The following NFATC3 variants were observed in gnomAD, a reference collection of about 807,000 sequenced individuals.
NFATC3 encodes the protein nuclear factor of activated T cells 3.
A neutral mutation model predicts 98.6 loss-of-function variants in NFATC3; 46 were observed. The observed-to-expected ratio is 0.47, with a 90% CI of 0.37 to 0.60. The LOEUF is 0.60. Ranked by LOEUF, NFATC3 falls within the 20% of genes least tolerant of loss-of-function variation. The pLI, the probability that NFATC3 is intolerant of heterozygous loss-of-function variation, is 0.00. For synonymous variants in NFATC3, 512 were observed against 472.2 expected (o/e 1.08, Z -1.09); for missense variants, 1,256 against 1,295.5 (o/e 0.97, Z 0.47).
In NFATC3 at chr16:68,226,494, T is replaced by A. The variant is rs1320842879; in HGVS notation, c.*23T>A. ...TAACAGTGCTTACTGCAGCCTTGTG[T>A]CCACCACCAACTTCTCAGCATGTTT... On this transcript the variant is annotated 3_prime_UTR_variant, in exon 10 of 10. Coordinates refer to ENST00000346183, the MANE Select transcript of NFATC3 (RefSeq NM_173165.3). 19 of 1,469,028 alleles carry A rather than the reference T, an allele frequency of 1.3e-5. No homozygotes were observed. Among genetic ancestry groups the A allele is most frequent in the Non-Finnish European group, 1.7e-5 (19 of 1,113,740 alleles). 91.0% of individuals were successfully genotyped at this position (1,469,028 alleles called of 1,614,324 possible). A position where few individuals can be genotyped will look rare whatever the true frequency, so the allele number is the denominator to read the frequency against.
intron 5 of NFATC3, among the ~76,000 whole-genome samples, chr16:68,171,767 G>A (rs1479349516): frequency 6.6e-6 from 1 of 151,818 alleles, no homozygotes; most frequent in African/African-American, 2.4e-5. Context: ...GAGCCACCAC[G>A]CCTGGCTGCA....
At chr16:68,134,865 A>G (rs1187775016) in intron 3 of NFATC3, among the ~76,000 whole-genome samples, 1 of 152,088 alleles carries the variant, frequency 6.6e-6, no homozygotes, top group African/African-American at 2.4e-5. Context: ...TAAGAATACA[A>G]GAAGCAAACC....
chr16:68,111,226 T>TA (rs1200491546), intron 1 of NFATC3, among the ~76,000 whole-genome samples: 1 of 152,220 alleles, frequency 6.6e-6, no homozygotes, highest in Non-Finnish European at 1.5e-5. Context: ...AGTGGGGTGT[T>TA]AAGTCTCCCA....
At chr16:68,088,957 A>G (rs1010854790) in intron 1 of NFATC3, 4 of 985,232 alleles carry the variant, frequency 4.1e-6, no homozygotes, top group African/African-American at 3.5e-5. Flanking sequence ...GCCACTGCAC[A>G]TAGCCCCTAT....
Position 68,085,725 on chromosome 16 carries a change from A to C in NFATC3, c.44A>C (p.Lys15Thr), listed in dbSNP as rs1197230486. Residue 15 changes from lysine (K) to threonine (T), a missense_variant, in exon 1 of 10, where the codon AAA (lysine) becomes ACA (threonine). Lys to Thr is a moderately conservative substitution (Grantham distance 78, BLOSUM62 -1). This residue lies in a region of NFATC3 where 464 missense variants were observed against 465.7 expected (regional missense o/e 1.00). Transcript: ENST00000346183. ...GGCGCCCACGACGAGCTCGACTTCA[A>C]ACTCGTCTTTGGCGAGGACGGGGCG... Reference protein sequence around the residue: ...NCGAHDELDFKLVFGEDGAPA... With the variant: ...NCGAHDELDFTLVFGEDGAPA... The C allele has an allele frequency of 2.0e-6, 3 of 1,513,398 alleles. No homozygotes were observed. The highest frequency in any genetic ancestry group is 1.8e-6 in the Non-Finnish European group (2 of 1,132,886). 93.7% of individuals were successfully genotyped at this position (1,513,398 alleles called of 1,614,324 possible).
chr16:68,164,439 C>T (rs569459851), intron 4 of NFATC3, among the ~76,000 whole-genome samples: 4 of 152,174 alleles, frequency 2.6e-5, no homozygotes, highest in African/African-American at 9.7e-5. Context: ...AGCGCCTAAT[C>T]TCTTTTCTAA....
intron 5 of NFATC3, among the ~76,000 whole-genome samples, chr16:68,171,822 G>A (rs1167566573): frequency 6.6e-6 from 1 of 150,778 alleles, no homozygotes; most frequent in Non-Finnish European, 1.5e-5. Context: ...GAGTCTCGCT[G>A]TTTCGCCCAG....
At chr16:68,214,703 C>T (rs1017876675) in intron 9 of NFATC3, among the ~76,000 whole-genome samples, 3 of 152,160 alleles carry the variant, frequency 2.0e-5, no homozygotes, top group African/African-American at 4.8e-5. Context: ...AAAGAGGTTT[C>T]GTATCTATGA....
chr16:68,207,368 G>T (rs1004125811), intron 9 of NFATC3, among the ~76,000 whole-genome samples: 1 of 152,074 alleles, frequency 6.6e-6, no homozygotes, highest in African/African-American at 2.4e-5. Context: ...GAATAATGCT[G>T]CTGTGAACAC....
intron 9 of NFATC3, among the ~76,000 whole-genome samples, chr16:68,219,476 A>C (rs748472596): frequency 3.9e-5 from 6 of 152,098 alleles, no homozygotes; most frequent in Non-Finnish European, 7.4e-5. Context: ...CTGAAGCGGG[A>C]GGATCGCTTG....
chr16:68,152,134 G>A (rs1472836074), intron 3 of NFATC3, among the ~76,000 whole-genome samples: 1 of 150,574 alleles, frequency 6.6e-6, no homozygotes, highest in African/African-American at 2.4e-5. Context: ...AGGCCAAGGT[G>A]GACGGATCAC....
chr16:68,143,098 G>A (rs572391321), intron 3 of NFATC3, among the ~76,000 whole-genome samples: 7 of 151,514 alleles, frequency 4.6e-5, no homozygotes, highest in Non-Finnish European at 8.8e-5. Flanking sequence ...ATTTAACCAG[G>A]CATGGTGGTA....
chr16:68,121,956 GGTT>G, intron 1 of NFATC3, 28 bp from the exon 2 acceptor site: 1 of 1,479,122 alleles, frequency 6.8e-7, no homozygotes, highest in Non-Finnish European at 9.0e-7. Flanking sequence ...TGTTTTGTTG[GGTT>G]TTTTTTTTTT....
intron 3 of NFATC3, among the ~76,000 whole-genome samples, chr16:68,147,822 C>G (rs188638176): frequency 1.3e-5 from 2 of 150,086 alleles, no homozygotes; most frequent in Non-Finnish European, 3.0e-5. Context: ...TATAACCACT[C>G]TCTACCTTCA....
intron 1 of NFATC3, among the ~76,000 whole-genome samples, chr16:68,094,226 C>T (rs1425924147): frequency 6.6e-6 from 1 of 152,074 alleles, no homozygotes; most frequent in Non-Finnish European, 1.5e-5. Flanking sequence ...TTTGGCAGCC[C>T]CCCTCTCCGC....
chr16:68,178,329 G>C (rs2039807985), intron 6 of NFATC3, among the ~76,000 whole-genome samples: 1 of 152,152 alleles, frequency 6.6e-6, no homozygotes, highest in Admixed American at 6.5e-5. Flanking sequence ...CTGGAAGTAT[G>C]TGGCTGTCTT....
chr16:68,116,184 A>G (rs1272530379), intron 1 of NFATC3, among the ~76,000 whole-genome samples: 1 of 151,990 alleles, frequency 6.6e-6, no homozygotes, highest in African/African-American at 2.4e-5. Context: ...TTTTTTTGTC[A>G]TGACACAGTT....
rs530899948 is a variant in NFATC3 at position 68,171,351 on chromosome 16, G to C, written c.1775-3023G>C. Among the ~76,000 whole-genome samples, 4 of 152,168 alleles carry C rather than the reference G, an allele frequency of 2.6e-5. No individual in the cohort carries two copies. The East Asian group carries it at 7.7e-4, about 29-fold the overall frequency. ...TACTTAGAATGTACCTGTAATCAGT[G>C]TTTGTTTTCCGGACCCTTCTCTATG... On this transcript the variant is annotated intron_variant, in intron 5 of 9. Transcript: ENST00000346183.
chr16:68,181,243 T>C (rs1310244628), intron 6 of NFATC3, among the ~76,000 whole-genome samples: 1 of 152,200 alleles, frequency 6.6e-6, no homozygotes, highest in Non-Finnish European at 1.5e-5. Flanking sequence ...TAAACATCAC[T>C]TGGGTAGATG....
Sources: allele counts gnomAD v4.1 joint callset (sites outside exome capture counted in the v4.1 genomes callset), GRCh38; gene constraint gnomAD v4.1.1; regional missense constraint gnomAD v4.1.1; transcripts MANE v1.5; gene names NCBI Gene and HGNC (gene_info 2026-07-23, HGNC 2026-07-21).